MDFIC: variants seen among roughly 807,000 people sequenced by gnomAD.
MDFIC encodes myoD family inhibitor domain-containing protein.
In MDFIC, 17 loss-of-function variants were observed where a neutral mutation model predicts 23.2. The observed-to-expected ratio is 0.73, with a 90% CI of 0.50 to 1.10. The LOEUF is 1.10. MDFIC is among the 50% of genes least tolerant of loss of function. The probability of loss-of-function intolerance (pLI) is 0.00; values close to 1 mark genes in which losing one functional copy is unlikely to be tolerated. For synonymous variants in MDFIC, 120 were observed against 115.2 expected, an observed-to-expected ratio of 1.04 and a Z score of -0.27; for missense variants, 356 against 316.6, an observed-to-expected ratio of 1.12 and a Z score of -0.95.
intron 3 of MDFIC, among the ~76,000 whole-genome samples, chr7:114,944,947 G>A (rs1270836224): frequency 1.3e-5 from 2 of 152,170 alleles, no homozygotes; most frequent in East Asian, 3.9e-4. Context: ...CCACTGTAGC[G>A]CGAGTTTGGC....
intron 4 of MDFIC, among the ~76,000 whole-genome samples, chr7:115,009,807 A>C (rs1287087965): frequency 6.6e-6 from 1 of 152,204 alleles, no homozygotes; most frequent in African/African-American, 2.4e-5. Context: ...TTGCTTTTTA[A>C]ATCAAACATA....
intron 3 of MDFIC, among the ~76,000 whole-genome samples, chr7:114,954,274 C>CCTAATCTGCCTAATCT (rs1792840181): frequency 6.6e-6 from 1 of 152,202 alleles, no homozygotes; most frequent in Non-Finnish European, 1.5e-5. Context: ...CTGCTAATTA[C>CCTAATCTGCCTAATCT]GTTCTTTTCC....
intron 3 of MDFIC, among the ~76,000 whole-genome samples, chr7:114,961,623 G>A (rs1792993665): frequency 1.3e-5 from 2 of 152,152 alleles, no homozygotes; most frequent in African/African-American, 2.4e-5. Flanking sequence ...AGAAAGCACT[G>A]CTGGGGAGGC....
chr7:114,923,020 C>G lies in MDFIC; in HGVS notation c.-14C>G. The G allele has an allele frequency of 6.9e-7, 1 of 1,442,686 alleles. No individual in the cohort carries two copies. Among genetic ancestry groups the G allele is most frequent in the Non-Finnish European group, 9.1e-7 (1 of 1,095,324 alleles). 89.4% of individuals were successfully genotyped at this position (1,442,686 alleles called of 1,614,324 possible). A position where few individuals can be genotyped will look rare whatever the true frequency, so the allele number is the denominator to read the frequency against. On this transcript the variant is annotated 5_prime_UTR_variant, in exon 2 of 5. Transcript: ENST00000393486. Reference sequence around the variant, plus strand: ...AGGCGGCAGCGGCGCGGCGCGGGCTCGGCGGAGCGGCCCATGTCCGGCGCG... The same window carrying G: ...AGGCGGCAGCGGCGCGGCGCGGGCTGGGCGGAGCGGCCCATGTCCGGCGCG...
In MDFIC at chr7:114,961,311, G is replaced by T. The variant is rs544926426; in HGVS notation, c.218-18195G>T. Among the ~76,000 whole-genome samples the T allele has an allele frequency of 2.6e-5, 4 of 152,174 alleles. No individual in the cohort carries two copies. In the East Asian group the frequency reaches 7.7e-4, roughly 29 times the overall value. On this transcript the variant is annotated intron_variant, in intron 3 of 4. Transcript: ENST00000393486. ...TTTTCATATTCTCTTTTATTCCCTA[G>T]TTCTTTAACTCAAAGCAAAGAAAGG...
intron 3 of MDFIC, among the ~76,000 whole-genome samples, chr7:114,942,880 A>G (rs2115766244): frequency 6.6e-6 from 1 of 152,236 alleles, no homozygotes; most frequent in East Asian, 1.9e-4. Context: ...GCTTCGGTCT[A>G]TTTTCATGTT....
Position 114,923,357 on chromosome 7 carries a change from T to G in MDFIC, c.94+230T>G, listed in dbSNP as rs955374130. 7 of 1,295,850 alleles carry G rather than the reference T, an allele frequency of 5.4e-6. No individual in the cohort carries two copies. The African/African-American group carries it at 5.9e-5, about 11-fold the overall frequency. 80.3% of individuals were successfully genotyped at this position (1,295,850 alleles called of 1,614,324 possible). A position where few individuals can be genotyped will look rare whatever the true frequency, so the allele number is the denominator to read the frequency against. On this transcript the variant is annotated intron_variant, in intron 2 of 4. Transcript: ENST00000393486. ...GTTGGTCCCTCCACTCCCCCTTCCT[T>G]TGGTTGCGAAGAAACAGGATGACAG...
chr7:114,971,623 T>C (rs976890494), intron 3 of MDFIC, among the ~76,000 whole-genome samples: 4 of 152,216 alleles, frequency 2.6e-5, no homozygotes, highest in Non-Finnish European at 5.9e-5. Flanking sequence ...CTCAAATGAA[T>C]GACAAATTTG....
Position 115,016,622 on chromosome 7 carries a change from G to A in MDFIC, c.*687G>A, listed in dbSNP as rs527336673. ...AACTCCAACCTGCACTCCAGCCTGG[G>A]CAACAGAGCGAGACTCCATCTCTAA... On this transcript the variant is annotated 3_prime_UTR_variant, in exon 5 of 5. Transcript: ENST00000393486. 7.6e-4 allele frequency: 118 copies of A among 155,508 alleles called. No homozygotes were observed. Among genetic ancestry groups the A allele is most frequent in the Non-Finnish European group, 1.5e-3 (109 of 71,442 alleles). The allele number at this position is 155,508 out of a possible 1,614,324, so 9.6% of individuals were successfully genotyped here.
chr7:114,987,209 G>A lies in MDFIC; in HGVS notation c.493+7428G>A, dbSNP rs181242770. Among the ~76,000 whole-genome samples, 12 of 152,298 alleles carry A rather than the reference G, an allele frequency of 7.9e-5. No homozygotes were observed. The East Asian group carries it at 2.1e-3, about 27-fold the overall frequency. The stretch of plus-strand genomic sequence containing the variant: ...AAACAACTACATATTCTTGAATCCT[G>A]AAGGTGGGAAAAGAAATTAGAAAGG... On this transcript the variant is annotated intron_variant, in intron 4 of 4. Coordinates refer to ENST00000393486, the MANE Select transcript of MDFIC (RefSeq NM_001166345.3).
intron 3 of MDFIC, among the ~76,000 whole-genome samples, chr7:114,955,522 G>A (rs1792866889): frequency 6.6e-6 from 1 of 152,138 alleles, no homozygotes; most frequent in Non-Finnish European, 1.5e-5. Flanking sequence ...TCCATTACTG[G>A]ACTGAAGGTT....
rs1310139986 is a variant in MDFIC at position 115,015,700 on chromosome 7, A to G, written c.506A>G (p.His169Arg). The change falls in exon 5 of 5, where the codon CAC (histidine) becomes CGC (arginine). Residue 169 changes from histidine (H) to arginine (R), a missense_variant. Coordinates refer to ENST00000393486, the MANE Select transcript of MDFIC (RefSeq NM_001166345.3). ...TGSSPEDCCVHCILACLFCEF... is the reference protein window; with the variant it reads ...TGSSPEDCCVRCILACLFCEF... ...ACTGAAAATGAAGATTGTTGTGTCC[A>G]CTGTATCCTGGCTTGCTTGTTCTGC... 1 of 1,614,116 alleles carries G rather than the reference A, an allele frequency of 6.2e-7. No homozygotes were observed. Among genetic ancestry groups the G allele is most frequent in the African/African-American group, 1.3e-5 (1 of 75,032 alleles).
chr7:114,964,800 C>T (rs1033494079), intron 3 of MDFIC, among the ~76,000 whole-genome samples: 5 of 152,144 alleles, frequency 3.3e-5, no homozygotes, highest in East Asian at 1.9e-4. Flanking sequence ...CAGCCTGCCT[C>T]GGCCTCCCAA....
chr7:115,011,189 C>G (rs569289990), intron 4 of MDFIC, among the ~76,000 whole-genome samples: 12 of 152,222 alleles, frequency 7.9e-5, no homozygotes, highest in African/African-American at 2.6e-4. Context: ...CTCACTCCCT[C>G]TATGACCTTG....
In MDFIC at chr7:115,017,443, TGTTTA is replaced by T. The variant is rs1293068641; in HGVS notation, c.*1513_*1517del. 6.6e-6 allele frequency: 1 copy of T among 152,498 alleles called. No individual in the cohort carries two copies. The highest frequency in any genetic ancestry group is 2.4e-5 in the African/African-American group (1 of 41,448). 9.4% of individuals were successfully genotyped at this position (152,498 alleles called of 1,614,324 possible). A position where few individuals can be genotyped will look rare whatever the true frequency, so the allele number is the denominator to read the frequency against. ...CTTTTTGGGATGAGAACATTTTAGT[TGTTTA>T]GTTTGTTTCTTAAGCAGTGCTATTT... is the stretch of plus-strand genomic sequence containing the variant. On this transcript the variant is annotated 3_prime_UTR_variant, in exon 5 of 5. Coordinates refer to ENST00000393486, the MANE Select transcript of MDFIC (RefSeq NM_001166345.3).
At position 114,923,096 on chromosome 7, in the gene MDFIC, G is replaced by T; in HGVS notation, c.63G>T (p.Ala21=). ...TGGGGCCGCAGCGCGTGGCCGAGGC[G>T]GGCGGCGGCCAGCTGGGCTCCACAG... ...GPVGPQRVAE[A]GGGQLGSTAQ... The change falls in exon 2 of 5, where the codon GCG becomes GCT. Residue 21 remains alanine (A), a synonymous_variant. Transcript: ENST00000393486. 6.9e-7 allele frequency: 1 copy of T among 1,446,908 alleles called. No homozygotes were observed. Among genetic ancestry groups the T allele is most frequent in the Non-Finnish European group, 9.1e-7 (1 of 1,101,918 alleles). The allele number at this position is 1,446,908 out of a possible 1,614,324, so 89.6% of individuals were successfully genotyped here.
intron 4 of MDFIC, chr7:115,013,854 T>G (rs1440782558): frequency 5.3e-6 from 2 of 380,758 alleles, no homozygotes; most frequent in African/African-American, 4.4e-5. Context: ...GTCATGGGCC[T>G]TTATTCATGT....
rs537991125 is a variant in MDFIC, at chr7:114,990,842, A to G, written c.493+11061A>G. ...ATGTGTCTTTATAGCAGCATGATTT[A>G]TAATCCTTTGGGTATATACCCAGTA... On this transcript the variant is annotated intron_variant, in intron 4 of 4. Transcript: ENST00000393486. Among the ~76,000 whole-genome samples, 7 of 152,264 alleles carry G rather than the reference A, an allele frequency of 4.6e-5. No homozygotes were observed. In the East Asian group the frequency reaches 1.2e-3, roughly 25 times the overall value.
chr7:114,922,775 G>T, intron 1 of MDFIC, 139 bp downstream of exon 1: 2 of 1,042,886 alleles, frequency 1.9e-6, no homozygotes, highest in Non-Finnish European at 1.3e-6. Flanking sequence ...GTCAACTTGC[G>T]CTGTAACAGT....
Sources: allele counts gnomAD v4.1 joint callset (sites outside exome capture counted in the v4.1 genomes callset), GRCh38; gene constraint gnomAD v4.1.1; transcripts MANE v1.5; gene names NCBI Gene and HGNC (gene_info 2026-07-23, HGNC 2026-07-21).